The following HERC3 variants were observed in gnomAD, a reference collection of about 807,000 sequenced individuals.
HERC3 encodes probable E3 ubiquitin-protein ligase HERC3.
In HERC3, 58 loss-of-function variants were observed where a neutral mutation model predicts 129.9. The ratio of observed to expected loss-of-function variants is 0.45; its 90% CI spans 0.36 to 0.56. HERC3 has a LOEUF of 0.56. Among genes scored for constraint, HERC3 ranks in the 20% least tolerant of loss-of-function variants. The pLI is 0.00. For missense variants in HERC3, 835 were observed against 1,244.2 expected (o/e 0.67, Z 4.95); for synonymous variants, 430 against 451.0 (o/e 0.95, Z 0.59).
chr4:88,534,187 G>A, the HERC3 span, among the ~76,000 whole-genome samples: 10 of 152,184 alleles, frequency 6.6e-5, no homozygotes, highest in Non-Finnish European at 1.3e-4. Flanking sequence ...CTGCTGAATC[G>A]CAGACCACAC....
intron 2 of HERC3, among the ~76,000 whole-genome samples, chr4:88,603,204 CTTTTTTT>C (rs1191378063): frequency 1.5e-5 from 2 of 131,062 alleles, no homozygotes; most frequent in Non-Finnish European, 3.3e-5. Flanking sequence ...ATCGCTTTCT[CTTTTTTT>C]TTTTTTTTTT....
intron 3 of HERC3, among the ~76,000 whole-genome samples, chr4:88,622,142 C>T (rs1381192886): frequency 2.0e-5 from 3 of 152,262 alleles, no homozygotes; most frequent in Admixed American, 6.5e-5. Flanking sequence ...TTAGCAGTCA[C>T]TTACCTTTCC....
chr4:88,581,782 A>G, the HERC3 span, among the ~76,000 whole-genome samples: 1 of 152,168 alleles, frequency 6.6e-6, no homozygotes, highest in South Asian at 2.1e-4. Context: ...ATTTTATTTC[A>G]GTGTTTTACA....
chr4:88,645,999 A>G (rs2149263532), intron 3 of HERC3, among the ~76,000 whole-genome samples: 1 of 152,352 alleles, frequency 6.6e-6, no homozygotes. Flanking sequence ...ACTTTTACCA[A>G]TTTAAAATCT....
chr4:88,545,430 CTTTTTTTTTT>C, the HERC3 span, among the ~76,000 whole-genome samples: 1 of 110,434 alleles, frequency 9.1e-6, no homozygotes, highest in Non-Finnish European at 1.8e-5. Context: ...TTTGAGAATT[CTTTTTTTTTT>C]TTTTTTTTTT....
At chr4:88,586,604 C>T in the HERC3 span, among the ~76,000 whole-genome samples, 1 of 152,082 alleles carries the variant, frequency 6.6e-6, no homozygotes, top group South Asian at 2.1e-4. Flanking sequence ...GGTGATCCAC[C>T]CGCCTCCGCC....
intron 23 of HERC3, chr4:88,693,222 A>AG (rs1254432056): frequency 2.3e-5 from 23 of 979,964 alleles, no homozygotes; most frequent in Non-Finnish European, 2.5e-5. Context: ...ATTTTTAATA[A>AG]GACTATATCA....
chr4:88,667,355 C>G, intron 12 of HERC3, 22 bp from the exon 13 acceptor site: 1 of 1,357,112 alleles, frequency 7.4e-7, no homozygotes. Context: ...TATTATATAC[C>G]TTTTTGATTT....
chr4:88,682,114 G>A (rs1732845107), intron 21 of HERC3, among the ~76,000 whole-genome samples: 1 of 152,134 alleles, frequency 6.6e-6, no homozygotes, highest in South Asian at 2.1e-4. Context: ...GATGGACATT[G>A]GGTTGTTTCC....
At chr4:88,698,877 C>CACCCTCTTCTTCCCCACCCTCCTT (rs1284145972) in intron 23 of HERC3, among the ~76,000 whole-genome samples, 1 of 147,692 alleles carries the variant, frequency 6.8e-6, no homozygotes, top group Non-Finnish European at 1.5e-5. Flanking sequence ...CCACCTTCCT[C>CACCCTCTTCTTCCCCACCCTCCTT]ACCCTCTTCT....
chr4:88,550,847 A>G, the HERC3 span, among the ~76,000 whole-genome samples: 6 of 151,922 alleles, frequency 3.9e-5, no homozygotes, highest in Non-Finnish European at 7.4e-5. Flanking sequence ...AGCCAAAAGA[A>G]CAAAGCTGGA....
rs966490981 is a variant in HERC3 at position 88,625,531 on chromosome 4, A to G, written c.226+19482A>G. 3.9e-5 allele frequency among the ~76,000 whole-genome samples: 6 copies of G among 152,094 alleles called. 1 individual carries two copies. Among genetic ancestry groups the G allele is most frequent in the Admixed American group, 2.0e-4 (3 of 15,278 alleles). ...GATTTTTGTATATTGATCTTGAATT[A>G]CTTTGTTAAACTCTCTTATTAGCTC... On this transcript the variant is annotated intron_variant, in intron 3 of 25. Coordinates refer to ENST00000402738, the MANE Select transcript of HERC3 (RefSeq NM_014606.3).
At chr4:88,683,160 T>C (rs942010028) in intron 21 of HERC3, among the ~76,000 whole-genome samples, 9 of 152,200 alleles carry the variant, frequency 5.9e-5, no homozygotes, top group Admixed American at 3.9e-4. Context: ...GCCCACTTGT[T>C]GATGGGGTTA....
At chr4:88,695,045 C>T (rs886237969) in intron 23 of HERC3, among the ~76,000 whole-genome samples, 2 of 151,918 alleles carry the variant, frequency 1.3e-5, no homozygotes, top group Non-Finnish European at 2.9e-5. Context: ...TTTACTGGAA[C>T]CAGAAAAATA....
chr4:88,539,039 A>T, the HERC3 span, among the ~76,000 whole-genome samples: 1 of 152,152 alleles, frequency 6.6e-6, no homozygotes, highest in Non-Finnish European at 1.5e-5. Flanking sequence ...TTTCCAACTG[A>T]GATACCTGGT....
the HERC3 span, among the ~76,000 whole-genome samples, chr4:88,570,913 C>T: frequency 6.6e-6 from 1 of 151,406 alleles, no homozygotes; most frequent in Non-Finnish European, 1.5e-5. Flanking sequence ...ACCACCACCC[C>T]CAGCTAATTT....
intron 3 of HERC3, among the ~76,000 whole-genome samples, chr4:88,610,863 A>G (rs1724238727): frequency 6.6e-6 from 1 of 152,220 alleles, no homozygotes; most frequent in Non-Finnish European, 1.5e-5. Context: ...CAAGGAGCTA[A>G]TGGTAGGTGT....
At chr4:88,564,656 G>A in the HERC3 span, among the ~76,000 whole-genome samples, 2 of 151,844 alleles carry the variant, frequency 1.3e-5, no homozygotes, top group African/African-American at 4.8e-5. Context: ...CTAAAGATTT[G>A]TTGAGTTTAT....
the HERC3 span, among the ~76,000 whole-genome samples, chr4:88,562,940 C>T: frequency 6.6e-6 from 1 of 152,294 alleles, no homozygotes; most frequent in African/African-American, 2.4e-5. Context: ...AATATGATTT[C>T]TCCAGTTTTG....
Sources: allele counts gnomAD v4.1 joint callset (sites outside exome capture counted in the v4.1 genomes callset), GRCh38; gene constraint gnomAD v4.1.1; transcripts MANE v1.5; gene names NCBI Gene and HGNC (gene_info 2026-07-23, HGNC 2026-07-21).